MYLK4: variants seen among roughly 807,000 people sequenced by gnomAD.
MYLK4 encodes the protein caMLCK like.
A neutral mutation model predicts 48.1 loss-of-function variants in MYLK4; 46 were observed. That is an observed-to-expected ratio of 0.96 (90% CI 0.75 to 1.22). The LOEUF (loss-of-function observed/expected upper bound fraction) is 1.22. Among genes scored for constraint, MYLK4 ranks in the 50% most tolerant of loss-of-function variants. The pLI, the probability that MYLK4 is intolerant of heterozygous loss-of-function variation, is 0.00. For synonymous variants in MYLK4, 170 were observed against 180.8 expected, an observed-to-expected ratio of 0.94 and a Z score of 0.48; for missense variants, 451 against 486.1, an observed-to-expected ratio of 0.93 and a Z score of 0.68.
chr6:2,765,385 C>G, the MYLK4 span: 1 of 365,672 alleles, frequency 2.7e-6, no homozygotes, highest in Non-Finnish European at 4.5e-6. Context: ...GGCAAACGGC[C>G]ACGAACTACA....
In MYLK4 at chr6:2,679,282, C is replaced by A. The variant is rs1761205078; in HGVS notation, c.885G>T (p.Met295Ile). Residue 295 changes from methionine to isoleucine, a missense_variant and splice_region_variant, in exon 9 of 13, where the codon ATG (methionine) becomes ATT (isoleucine). Met to Ile is a conservative substitution (Grantham distance 10, BLOSUM62 1). Transcript: ENST00000274643. ...AGAGACAGAGGAGAGCTACTCACAG[C>A]ATATAGGCGATGACCCCCACACTCC... ...DMWSVGVIAY[M>I]LLSGLSPFLG... 6.2e-7 allele frequency: 1 copy of A among 1,613,998 alleles called. No homozygotes were observed. Among genetic ancestry groups the A allele is most frequent in the Non-Finnish European group, 8.5e-7 (1 of 1,180,024 alleles).
chr6:2,683,450 C>T (rs192223909), intron 6 of MYLK4, among the ~76,000 whole-genome samples: 27 of 141,446 alleles, frequency 1.9e-4, no homozygotes, highest in Non-Finnish European at 3.5e-4. Flanking sequence ...GATGGAGTCT[C>T]GCTGTGTCGC....
chr6:2,767,223 T>C, the MYLK4 span, among the ~76,000 whole-genome samples: 7 of 152,102 alleles, frequency 4.6e-5, no homozygotes, highest in Middle Eastern at 3.4e-3. Context: ...GAAAAACACT[T>C]GAGAAAAAAA....
At chr6:2,724,813 C>G (rs1028465335) in intron 2 of MYLK4, among the ~76,000 whole-genome samples, 1 of 152,102 alleles carries the variant, frequency 6.6e-6, no homozygotes, top group Non-Finnish European at 1.5e-5. Context: ...ACCTCGTATT[C>G]TATTAATTCA....
chr6:2,715,036 G>A (rs1344320606), intron 2 of MYLK4, among the ~76,000 whole-genome samples: 5 of 152,082 alleles, frequency 3.3e-5, no homozygotes, highest in African/African-American at 9.7e-5. Context: ...AGGCCACGGT[G>A]GGCAGATCAC....
chr6:2,766,231 T>C, the MYLK4 span: 644,206 of 1,476,792 alleles, frequency 0.44, 141,442 homozygotes, highest in South Asian at 0.56. Flanking sequence ...TCGGGGCCAG[T>C]GGCGGGGGCC....
rs913216607 is a variant in MYLK4, at chr6:2,701,761, G to A, written c.160-8902C>T. On this transcript the variant is annotated intron_variant, in intron 2 of 12. Transcript: ENST00000274643. ...CTCCTGGGAACCTGCTAGCAATGCA[G>A]AACCTCAGAACCTCAGCCTCTCCCC... 2.0e-4 allele frequency among the ~76,000 whole-genome samples: 31 copies of A among 152,208 alleles called. 1 individual carries two copies. Among genetic ancestry groups the A allele is most frequent in the African/African-American group, 7.0e-4 (29 of 41,458 alleles).
chr6:2,744,588 C>T (rs938451667), intron 2 of MYLK4, among the ~76,000 whole-genome samples: 1 of 152,188 alleles, frequency 6.6e-6, no homozygotes, highest in African/African-American at 2.4e-5. Context: ...GTGTTAAATC[C>T]ACCAACTGCA....
intron 1 of MYLK4, among the ~76,000 whole-genome samples, chr6:2,749,781 A>AAGG (rs1764221873): frequency 6.6e-6 from 1 of 152,216 alleles, no homozygotes; most frequent in East Asian, 1.9e-4. Flanking sequence ...CTTATCACAG[A>AAGG]AGGGGTCTCT....
At chr6:2,715,859 G>A (rs751471725) in intron 2 of MYLK4, among the ~76,000 whole-genome samples, 4 of 152,188 alleles carry the variant, frequency 2.6e-5, no homozygotes, top group Non-Finnish European at 5.9e-5. Flanking sequence ...CTCAGAACAC[G>A]TGTGAAACTC....
chr6:2,707,503 C>T (rs553922402), intron 2 of MYLK4, among the ~76,000 whole-genome samples: 21 of 152,300 alleles, frequency 1.4e-4, no homozygotes, highest in Admixed American at 1.1e-3. Flanking sequence ...TATTACTTTG[C>T]TGTTGTTCAT....
upstream of MYLK4, among the ~76,000 whole-genome samples, chr6:2,754,567 G>A (rs1285067512): frequency 6.6e-6 from 1 of 152,220 alleles, no homozygotes; most frequent in Non-Finnish European, 1.5e-5. Flanking sequence ...ACCCGATGAT[G>A]TGTGGTAGTG....
In MYLK4 at chr6:2,672,591, C is replaced by A. The variant is rs968616222; in HGVS notation, c.1120-1243G>T. On this transcript the variant is annotated intron_variant, in intron 11 of 12. Coordinates refer to ENST00000274643, the MANE Select transcript of MYLK4 (RefSeq NM_001012418.5). The surrounding 1 kb of genome is among the most constrained non-coding windows in gnomAD (Gnocchi z 4.3). ...CAGTTTTGGATCAGAATTAAATTTT[C>A]AACTTAAAAGTAAATTCTGATTTTG... 6.6e-6 allele frequency among the ~76,000 whole-genome samples: 1 copy of A among 152,150 alleles called. No homozygotes were observed. The highest frequency in any genetic ancestry group is 1.5e-5 in the Non-Finnish European group (1 of 68,014).
chr6:2,691,717 C>G (rs1306004601), intron 3 of MYLK4, among the ~76,000 whole-genome samples: 1 of 152,172 alleles, frequency 6.6e-6, no homozygotes, highest in South Asian at 2.1e-4. Context: ...AATACTGATT[C>G]CTGTGGGCAC....
At chr6:2,760,519 A>C in the MYLK4 span, among the ~76,000 whole-genome samples, 64 of 152,220 alleles carry the variant, frequency 4.2e-4, no homozygotes, top group African/African-American at 1.5e-3. Flanking sequence ...AGCTGGTCCC[A>C]AGTTCCAACC....
chr6:2,677,991 G>T (rs1424905134), intron 10 of MYLK4, among the ~76,000 whole-genome samples: 1 of 152,298 alleles, frequency 6.6e-6, no homozygotes, highest in South Asian at 2.1e-4. Flanking sequence ...TCCATGGCTG[G>T]TATGGCCATA....
chr6:2,709,523 G>C (rs1394608366), intron 2 of MYLK4, among the ~76,000 whole-genome samples: 1 of 152,178 alleles, frequency 6.6e-6, no homozygotes, highest in East Asian at 1.9e-4. Context: ...CAAGCCCCAG[G>C]ACTGAGGTTC....
intron 2 of MYLK4, among the ~76,000 whole-genome samples, chr6:2,725,523 G>GAAACAA (rs1763226815): frequency 1.2e-3 from 176 of 143,966 alleles, no homozygotes; most frequent in African/African-American, 4.4e-3. Flanking sequence ...GACAGAGAGA[G>GAAACAA]AGAAAAAGAA....
intron 2 of MYLK4, among the ~76,000 whole-genome samples, chr6:2,726,433 C>T (rs961951690): frequency 3.3e-5 from 5 of 151,926 alleles, no homozygotes; most frequent in Non-Finnish European, 5.9e-5. Context: ...GGGCTGCTTC[C>T]GTAAATTGCA....
Sources: allele counts gnomAD v4.1 joint callset (sites outside exome capture counted in the v4.1 genomes callset), GRCh38; gene constraint gnomAD v4.1.1; non-coding constraint Gnocchi (gnomAD v3.1); transcripts MANE v1.5; gene names NCBI Gene and HGNC (gene_info 2026-07-23, HGNC 2026-07-21).